Variants in NARS2 observed in about 807,000 individuals in gnomAD.
NARS2 encodes the protein asparaginyl-tRNA synthetase 2, mitochondrial.
NARS2 carries 60 observed loss-of-function variants against 62.9 expected under a neutral mutation model. That is an observed-to-expected ratio of 0.95 (90% confidence interval 0.77 to 1.18). The LOEUF (loss-of-function observed/expected upper bound fraction) is 1.18, where lower values mean the gene tolerates loss of function less well. Ranked by LOEUF, NARS2 falls within the 50% of genes most tolerant of loss-of-function variation. The pLI, the probability that NARS2 is intolerant of heterozygous loss-of-function variation, is 0.00. For synonymous variants in NARS2, 196 were observed against 200.0 expected (o/e 0.98, Z 0.17); for missense variants, 619 against 576.4 (o/e 1.07, Z -0.76).
chr11:78,543,030 T>C (rs548142689), intron 5 of NARS2, among the ~76,000 whole-genome samples: 22 of 152,290 alleles, frequency 1.4e-4, no homozygotes, highest in Admixed American at 1.0e-3. Context: ...AAGAGTAAGT[T>C]AGCCAAGTAC....
At chr11:78,438,732 T>C (rs1404663578) in intron 13 of NARS2, among the ~76,000 whole-genome samples, 6 of 152,206 alleles carry the variant, frequency 3.9e-5, no homozygotes, top group African/African-American at 1.4e-4. Flanking sequence ...TGGAACTAGT[T>C]ACAGATTTAA....
At chr11:78,510,130 C>T (rs532209615) in intron 6 of NARS2, among the ~76,000 whole-genome samples, 1 of 152,112 alleles carries the variant, frequency 6.6e-6, no homozygotes, top group Non-Finnish European at 1.5e-5. Flanking sequence ...TTCCTCCTTA[C>T]CAGTAATTAC....
At chr11:78,473,200 C>T (rs576555570) in intron 9 of NARS2, among the ~76,000 whole-genome samples, 68 of 152,346 alleles carry the variant, frequency 4.5e-4, no homozygotes, top group African/African-American at 1.6e-3. Context: ...ACCAGTTTCT[C>T]TCTCTTCCTT....
At chr11:78,437,626 A>C (rs75290133) in intron 13 of NARS2, among the ~76,000 whole-genome samples, 2,504 of 152,296 alleles carry the variant, frequency 0.016, 70 homozygotes, top group African/African-American at 0.057. Context: ...GGGCAACTAT[A>C]AATATTTTAT....
At chr11:78,461,657 A>G (rs1347655787) in intron 11 of NARS2, among the ~76,000 whole-genome samples, 1 of 149,600 alleles carries the variant, frequency 6.7e-6, no homozygotes, top group African/African-American at 2.5e-5. Flanking sequence ...AAAGTTGTTC[A>G]GTTTTGTTTA....
chr11:78,444,727 C>CAAAAAAAAAAA (rs1391489970), intron 11 of NARS2, among the ~76,000 whole-genome samples: 5 of 92,416 alleles, frequency 5.4e-5, no homozygotes, highest in Non-Finnish European at 1.0e-4. Flanking sequence ...TCAAACAAAA[C>CAAAAAAAAAAA]AAAAAAAAAA....
chr11:78,520,150 G>A (rs1861062132), intron 6 of NARS2, among the ~76,000 whole-genome samples: 1 of 152,100 alleles, frequency 6.6e-6, no homozygotes, highest in African/African-American at 2.4e-5. Flanking sequence ...GCTATATTCT[G>A]TTGGCTTAAA....
chr11:78,460,260 TGATTGG>T (rs1858342905), intron 11 of NARS2, among the ~76,000 whole-genome samples: 2 of 145,640 alleles, frequency 1.4e-5, no homozygotes, highest in African/African-American at 5.3e-5. Context: ...AGTGACAACA[TGATTGG>T]GTTAATTTTT....
chr11:78,500,498 G>C (rs950021631), intron 6 of NARS2, among the ~76,000 whole-genome samples: 1 of 151,804 alleles, frequency 6.6e-6, no homozygotes, highest in Non-Finnish European at 1.5e-5. Context: ...TTTTGAGGCA[G>C]GGTCTTGCTC....
chr11:78,558,819 AAAAG>A (rs1400755663), intron 5 of NARS2, among the ~76,000 whole-genome samples: 4 of 152,220 alleles, frequency 2.6e-5, no homozygotes, highest in African/African-American at 9.6e-5. Flanking sequence ...AAGACTTTGA[AAAAG>A]AAAATGATAT....
intron 7 of NARS2, among the ~76,000 whole-genome samples, chr11:78,480,338 T>C (rs1859294218): frequency 6.6e-6 from 1 of 152,150 alleles, no homozygotes; most frequent in Admixed American, 6.6e-5. Context: ...CACTGTAGCC[T>C]CTGCCTCCTG....
intron 5 of NARS2, among the ~76,000 whole-genome samples, chr11:78,542,912 AC>A (rs983112477): frequency 1.3e-5 from 2 of 151,958 alleles, no homozygotes; most frequent in African/African-American, 2.4e-5. Flanking sequence ...GTCAAAACAA[AC>A]CCCCCCACAA....
chr11:78,542,919 C>A (rs184770398), intron 5 of NARS2, among the ~76,000 whole-genome samples: 1 of 152,300 alleles, frequency 6.6e-6, no homozygotes, highest in African/African-American at 2.4e-5. Context: ...CAAACCCCCC[C>A]ACAAAATATA....
At chr11:78,571,195 A>G in intron 2 of NARS2, 140 bp downstream of exon 2, 1 of 601,230 alleles carries the variant, frequency 1.7e-6, no homozygotes, top group Non-Finnish European at 3.0e-6. Flanking sequence ...AAATATTCGG[A>G]GTTGATCCTC....
At chr11:78,541,877 C>T (rs923799853) in intron 5 of NARS2, among the ~76,000 whole-genome samples, 7 of 152,138 alleles carry the variant, frequency 4.6e-5, no homozygotes, top group African/African-American at 1.2e-4. Flanking sequence ...GCATCTCATA[C>T]GTAAAAACCA....
chr11:78,490,907 T>G (rs922521606), intron 7 of NARS2, among the ~76,000 whole-genome samples: 3 of 152,256 alleles, frequency 2.0e-5, no homozygotes, highest in African/African-American at 7.2e-5. Flanking sequence ...AATCTGTAAC[T>G]GAATTCTGCT....
At chr11:78,498,495 T>C (rs958302248) in intron 6 of NARS2, among the ~76,000 whole-genome samples, 8 of 152,304 alleles carry the variant, frequency 5.3e-5, no homozygotes, top group African/African-American at 1.9e-4. Flanking sequence ...AACTACTTAC[T>C]GGCACACACA....
chr11:78,498,142 G>T (rs1482705977), intron 6 of NARS2, among the ~76,000 whole-genome samples: 8 of 152,046 alleles, frequency 5.3e-5, no homozygotes. Flanking sequence ...CATGTTTAAA[G>T]AATTTAAAGA....
At position 78,455,031 on chromosome 11, in the gene NARS2, A is replaced by G. The variant is rs184865128; in HGVS notation, c.1164+10845T>C. Among the ~76,000 whole-genome samples, 44 of 152,042 alleles carry G rather than the reference A, an allele frequency of 2.9e-4. No homozygotes were observed. The East Asian group carries it at 8.5e-3, about 29-fold the overall frequency. ...GTTTTAGGTTCATTTCTTTCTCTCC[A>G]TTTTCACTGTTGAGATTATAAGCAA... On this transcript the variant is annotated intron_variant, in intron 11 of 13. Transcript: ENST00000281038.
Sources: allele counts gnomAD v4.1 joint callset (sites outside exome capture counted in the v4.1 genomes callset), GRCh38; gene constraint gnomAD v4.1.1; transcripts MANE v1.5; gene names NCBI Gene and HGNC (gene_info 2026-07-23, HGNC 2026-07-21).